The following MYO18A variants were observed in gnomAD, a reference collection of about 807,000 sequenced individuals.
MYO18A encodes myosin XVIIIA.
A neutral mutation model predicts 235.8 loss-of-function variants in MYO18A; 78 were observed. The ratio of observed to expected loss-of-function variants is 0.33; its 90% CI spans 0.28 to 0.40. The LOEUF is 0.40. MYO18A is among the 10% of genes least tolerant of loss of function. The probability of loss-of-function intolerance (pLI) is 1.00; values close to 1 mark genes in which losing one functional copy is unlikely to be tolerated. For missense variants in MYO18A, 2,215 were observed against 2,699.3 expected, an observed-to-expected ratio of 0.82 and a Z score of 3.98; for synonymous variants, 977 against 1,077.8, an observed-to-expected ratio of 0.91 and a Z score of 1.83.
chr17:29,116,542 G>A, intron 10 of MYO18A, 87 bp from the exon 11 acceptor site: 7 of 1,539,140 alleles, frequency 4.5e-6, no homozygotes, highest in Non-Finnish European at 6.3e-6. Flanking sequence ...GCCTCGGAGG[G>A]ACCGTGGGGC....
chr17:29,115,884 T>C, intron 11 of MYO18A, 44 bp from the exon 12 acceptor site: 24 of 1,543,568 alleles, frequency 1.6e-5, no homozygotes, highest in Non-Finnish European at 2.1e-5. Flanking sequence ...GTCTTTTTCC[T>C]TAGGCCAGCT....
intron 1 of MYO18A, among the ~76,000 whole-genome samples, chr17:29,168,951 C>T (rs1021876495): frequency 1.3e-5 from 2 of 152,166 alleles, no homozygotes; most frequent in African/African-American, 2.4e-5. Flanking sequence ...GGGCGGATCA[C>T]CAGAGGTCAG....
In MYO18A at chr17:29,090,475, T is replaced by C. The variant is rs1025124455; in HGVS notation, c.5388+57A>G. The C allele has an allele frequency of 6.1e-5, 91 of 1,483,928 alleles. No individual in the cohort carries two copies. In the Middle Eastern group the frequency reaches 6.8e-4, roughly 11 times the overall value. The allele number at this position is 1,483,928 out of a possible 1,614,324, so 91.9% of individuals were successfully genotyped here. Reference sequence around the variant, plus strand: ...TCTAAACTGTGAACTTGGGGGTTCCTCCCACACCTAGTGACCCTGGCACTC... The same window carrying C: ...TCTAAACTGTGAACTTGGGGGTTCCCCCCACACCTAGTGACCCTGGCACTC... On this transcript the variant is annotated intron_variant, in intron 36 of 41. Transcript: ENST00000527372.
chr17:29,176,801 C>A (rs1415231857), intron 1 of MYO18A: 1 of 152,262 alleles, frequency 6.6e-6, no homozygotes, highest in Admixed American at 6.5e-5. Context: ...CTCACGCCGA[C>A]TGCACGCTTC....
At position 29,114,980 on chromosome 17, in the gene MYO18A, T is replaced by G; in HGVS notation, c.2438A>C (p.Asn813Thr). The change falls in exon 14 of 42, where the codon AAC (asparagine) becomes ACC (threonine). Residue 813 changes from asparagine (N) to threonine (T), a missense_variant. Coordinates refer to ENST00000527372, the MANE Select transcript of MYO18A (RefSeq NM_078471.4). ...RGASFEELCH[N>T]YTQDRLQRLF... ...CCTCTGCAGCCGGTCTTGGGTGTAG[T>G]TGTGGCACAGCTCCTCAAAGGAGGC... 6.2e-7 allele frequency: 1 copy of G among 1,614,026 alleles called. No homozygotes were observed. The highest frequency in any genetic ancestry group is 8.5e-7 in the Non-Finnish European group (1 of 1,179,886).
intron 2 of MYO18A, among the ~76,000 whole-genome samples, chr17:29,127,619 CT>C (rs2067353648): frequency 6.6e-6 from 1 of 152,270 alleles, no homozygotes; most frequent in African/African-American, 2.4e-5. Flanking sequence ...GGCCAACATG[CT>C]GCTTAGCAGT....
At position 29,116,722 on chromosome 17, in the gene MYO18A, C is replaced by CCCA; in HGVS notation, c.2039-268_2039-267insTGG. 1.5e-4 allele frequency among the ~76,000 whole-genome samples: 2 copies of CCCA among 13,412 alleles called. 1 individual carries two copies. Among genetic ancestry groups the CCCA allele is most frequent in the Non-Finnish European group, 8.0e-4 (2 of 2,492 alleles). 8.8% of individuals were successfully genotyped at this position (13,412 alleles called of 152,430 possible). ...GCACATGTGTGTGTGCGCAAACACA[C>CCCA]CCTCCCCCCCCCCCCCCCCCCCCGC... On this transcript the variant is annotated intron_variant, in intron 10 of 41. Coordinates refer to ENST00000527372, the MANE Select transcript of MYO18A (RefSeq NM_078471.4).
intron 2 of MYO18A, among the ~76,000 whole-genome samples, chr17:29,153,254 G>T (rs2067995827): frequency 6.6e-6 from 1 of 152,098 alleles, no homozygotes; most frequent in African/African-American, 2.4e-5. Flanking sequence ...TGAGTAACTG[G>T]GACTACAGGC....
intron 32 of MYO18A, 36 bp from the exon 33 acceptor site, chr17:29,093,037 G>A: frequency 6.2e-7 from 1 of 1,600,932 alleles, no homozygotes; most frequent in Non-Finnish European, 8.5e-7. Context: ...TCTGGGCTCT[G>A]CACAGGGCTT....
At chr17:29,114,826 C>T (rs1014657711) in intron 14 of MYO18A, 81 bp downstream of exon 14, 10 of 1,407,704 alleles carry the variant, frequency 7.1e-6, no homozygotes, top group Non-Finnish European at 9.6e-6. Flanking sequence ...TAAGGTGATG[C>T]CTTCTGCATC....
At chr17:29,137,469 G>A (rs2067630323) in intron 2 of MYO18A, among the ~76,000 whole-genome samples, 1 of 152,186 alleles carries the variant, frequency 6.6e-6, no homozygotes, top group Non-Finnish European at 1.5e-5. Flanking sequence ...GGTTTGCAGG[G>A]AGGGCAAGGA....
chr17:29,151,401 G>C (rs1415434599), intron 2 of MYO18A, among the ~76,000 whole-genome samples: 1 of 152,146 alleles, frequency 6.6e-6, no homozygotes, highest in Admixed American at 6.6e-5. Flanking sequence ...CTTTCAGTGT[G>C]TCCTGGTCCC....
chr17:29,099,071 TC>T, intron 22 of MYO18A, 102 bp from the exon 23 acceptor site: 1 of 1,450,272 alleles, frequency 6.9e-7, no homozygotes, highest in Non-Finnish European at 9.4e-7. Context: ...CCAGGGCTGC[TC>T]CTCTGGCCCC....
Position 29,114,899 on chromosome 17 carries a change from A to G in MYO18A, c.2511+8T>C. The stretch of plus-strand genomic sequence containing the variant: ...TGAGGCTAGATGAGGCCCAGGCCCC[A>G]GAGCTACCTCCTTGTATCTTTCCAA... On this transcript the variant is annotated splice_region_variant and intron_variant, in intron 14 of 41. Coordinates refer to ENST00000527372, the MANE Select transcript of MYO18A (RefSeq NM_078471.4). 1 of 1,609,734 alleles carries G rather than the reference A, an allele frequency of 6.2e-7. No homozygotes were observed. Among genetic ancestry groups the G allele is most frequent in the Non-Finnish European group, 8.5e-7 (1 of 1,177,202 alleles).
At position 29,096,913 on chromosome 17, in the gene MYO18A, G is replaced by A. The variant is rs201452813; in HGVS notation, c.4233C>T (p.Leu1411=). 799 of 1,563,268 alleles carry A rather than the reference G, an allele frequency of 5.1e-4. 1 individual carries two copies. The highest frequency in any genetic ancestry group is 6.1e-4 in the Non-Finnish European group (707 of 1,155,522). Residue 1411 remains leucine, a splice_region_variant and synonymous_variant, in exon 28 of 42, where the codon CTC becomes CTT. Coordinates refer to ENST00000527372, the MANE Select transcript of MYO18A (RefSeq NM_078471.4). ...CCTCACTATCTGCCTGCAGGTCCCC[G>A]AGCTAGGGGCCAAGATGGGGTGCAT... ...QQNKRQLERR[L]GDLQADSEES...
chr17:29,165,739 G>T (rs75844614), intron 2 of MYO18A, among the ~76,000 whole-genome samples: 3,026 of 152,278 alleles, frequency 0.02, 96 homozygotes, highest in African/African-American at 0.068. Context: ...GTTTGTAGGG[G>T]TGGCACCCCC....
chr17:29,084,775 T>C (rs981979035), intron 40 of MYO18A, among the ~76,000 whole-genome samples: 1 of 149,878 alleles, frequency 6.7e-6, no homozygotes, highest in African/African-American at 2.5e-5. Context: ...CGAGAGAGAG[T>C]GGGGGAAGAA....
At chr17:29,134,529 A>G (rs2067549471) in intron 2 of MYO18A, among the ~76,000 whole-genome samples, 3 of 151,482 alleles carry the variant, frequency 2.0e-5, no homozygotes, top group African/African-American at 7.3e-5. Flanking sequence ...CTATTTATTT[A>G]TTTATTTATT....
chr17:29,087,368 T>C (rs2066281430), intron 37 of MYO18A, among the ~76,000 whole-genome samples: 1 of 152,146 alleles, frequency 6.6e-6, no homozygotes, highest in Non-Finnish European at 1.5e-5. Context: ...CTCTGAAAGA[T>C]GAAAGGTGCT....
Sources: allele counts gnomAD v4.1 joint callset (sites outside exome capture counted in the v4.1 genomes callset), GRCh38; gene constraint gnomAD v4.1.1; transcripts MANE v1.5; gene names NCBI Gene and HGNC (gene_info 2026-07-23, HGNC 2026-07-21).